Variants in ITGB2 observed in about 807,000 individuals in gnomAD.
ITGB2 encodes the protein integrin subunit beta 2.
Under a neutral mutation model 86.8 loss-of-function variants are expected in ITGB2, and 56 were observed. The ratio of observed to expected loss-of-function variants is 0.65; its 90% confidence interval spans 0.52 to 0.81. The LOEUF (loss-of-function observed/expected upper bound fraction) is 0.81, where lower values mean the gene tolerates loss of function less well. ITGB2 is among the 30% of genes least tolerant of loss of function. The pLI is 0.00. For missense variants in ITGB2, 948 were observed against 1,061.2 expected (o/e 0.89, Z 1.48); for synonymous variants, 457 against 450.4 (o/e 1.01, Z -0.19).
chr21:44,890,461 A>G (rs1231934351), intron 11 of ITGB2, among the ~76,000 whole-genome samples: 2 of 152,198 alleles, frequency 1.3e-5, no homozygotes, highest in African/African-American at 2.4e-5. Context: ...TGGCCTGCGC[A>G]TGCAGTGGCT....
intron 1 of ITGB2, among the ~76,000 whole-genome samples, chr21:44,918,729 C>T (rs1466234346): frequency 6.6e-6 from 1 of 152,218 alleles, no homozygotes; most frequent in East Asian, 1.9e-4. Flanking sequence ...GTGCACTAGG[C>T]AGGTCACGTC....
Position 44,890,138 on chromosome 21 carries a change from C to T in ITGB2, c.1497G>A (p.Lys499=), listed in dbSNP as rs61747615. Residue 499 remains lysine, a synonymous_variant, in exon 12 of 16, where the codon AAG becomes AAA. Coordinates refer to ENST00000652462, the MANE Select transcript of ITGB2 (RefSeq NM_000211.5). ...CTGAGCAGATGATGGAGTTGTTGTC[C>T]TTCCGGCAGCTTCCTTCCAGCTCCT... is the stretch of plus-strand genomic sequence containing the variant. ...SSQELEGSCR[K]DNNSIICSGL... is the part of the protein sequence containing the mutation. The T allele has an allele frequency of 3.3e-4, 527 of 1,613,466 alleles. No individual in the cohort carries two copies. In the African/African-American group the frequency reaches 6.3e-3, roughly 19 times the overall value.
At chr21:44,911,066 C>T in intron 1 of ITGB2, 1 of 544,114 alleles carries the variant, frequency 1.8e-6, no homozygotes, top group Non-Finnish European at 3.3e-6. Flanking sequence ...CAGGCACACA[C>T]ACACATGCAG....
intron 3 of ITGB2, chr21:44,907,921 C>T (rs2146540971): frequency 1.7e-6 from 1 of 594,076 alleles, no homozygotes; most frequent in Middle Eastern, 2.7e-4. Flanking sequence ...AATAAAAGTA[C>T]ATCAGCAAGT....
At chr21:44,887,178 C>G (rs184478797) in intron 14 of ITGB2, among the ~76,000 whole-genome samples, 48 of 152,290 alleles carry the variant, frequency 3.2e-4, no homozygotes, top group Non-Finnish European at 5.3e-4. Context: ...TACCGGGCAG[C>G]CAGGACAGAG....
intron 8 of ITGB2, among the ~76,000 whole-genome samples, chr21:44,895,634 A>C (rs1177362834): frequency 6.6e-6 from 1 of 152,270 alleles, no homozygotes; most frequent in East Asian, 1.9e-4. Flanking sequence ...TGAGGTCAGG[A>C]GTTTGAGACC....
At chr21:44,892,951 G>A (rs764054508) in intron 10 of ITGB2, 7 of 206,674 alleles carry the variant, frequency 3.4e-5, no homozygotes, top group Non-Finnish European at 6.0e-5. Flanking sequence ...CTGTGTGTCC[G>A]GCGTCTGCCC....
intron 1 of ITGB2, among the ~76,000 whole-genome samples, chr21:44,916,449 C>A (rs745681361): frequency 6.6e-6 from 1 of 152,138 alleles, no homozygotes; most frequent in East Asian, 1.9e-4. Context: ...GAGGCCGAGG[C>A]CCCGGACACT....
rs375768805 is a variant in ITGB2, at chr21:44,904,860, T to TCA, written c.329-1327_329-1326dup. On this transcript the variant is annotated intron_variant, in intron 4 of 15. Coordinates refer to ENST00000652462, the MANE Select transcript of ITGB2 (RefSeq NM_000211.5). ...ACACACACACCACACACACATGCGCTCACACACACACACACTCACCCACAT... is the reference window on the plus strand; with the variant it reads ...ACACACACACCACACACACATGCGCTCACACACACACACACACTCACCCACAT... Among the ~76,000 whole-genome samples, 90 of 150,506 alleles carry TCA rather than the reference T, an allele frequency of 6.0e-4. 1 individual carries two copies. The East Asian group carries it at 0.012, about 20-fold the overall frequency.
At position 44,889,073 on chromosome 21, in the gene ITGB2, C is replaced by T. The variant is rs548522952; in HGVS notation, c.1878-178G>A. On this transcript the variant is annotated intron_variant, in intron 13 of 15. Coordinates refer to ENST00000652462, the MANE Select transcript of ITGB2 (RefSeq NM_000211.5). ...CAGCGGGTGAACTGGAAGCCTGATC[C>T]CAGGGCCCGCGGCAGGTGCGCACAG... The T allele has an allele frequency of 6.7e-5, 47 of 702,654 alleles. No homozygotes were observed. The African/African-American group carries it at 7.2e-4, about 11-fold the overall frequency. The allele number at this position is 702,654 out of a possible 1,614,324, so 43.5% of individuals were successfully genotyped here.
rs372885279 is a variant in ITGB2, at chr21:44,893,386, C to A, written c.1224+18G>T. On this transcript the variant is annotated intron_variant, in intron 10 of 15. Coordinates refer to ENST00000652462, the MANE Select transcript of ITGB2 (RefSeq NM_000211.5). ...CCCCTCAGCAAGCTGGGATGGGGAC[C>A]CTTGTGGCCAGGCTCACCGGGACAT... The A allele has an allele frequency of 3.1e-4, 499 of 1,613,080 alleles. No individual in the cohort carries two copies. The highest frequency in any genetic ancestry group is 4.0e-4 in the Non-Finnish European group (470 of 1,179,540).
At chr21:44,912,673 C>A (rs577922009) in intron 1 of ITGB2, among the ~76,000 whole-genome samples, 1 of 152,226 alleles carries the variant, frequency 6.6e-6, no homozygotes, top group South Asian at 2.1e-4. Flanking sequence ...GAGGCCAGTT[C>A]CAGCTCTCCA....
intron 11 of ITGB2, 30 bp from the exon 12 acceptor site, chr21:44,890,252 C>G: frequency 3.7e-6 from 6 of 1,612,210 alleles, no homozygotes; most frequent in Non-Finnish European, 5.1e-6. Context: ...CAAGGTCAGG[C>G]TCCCCCCAGT....
rs1568882038 is a variant in ITGB2 at position 44,890,128 on chromosome 21, A to T, written c.1507T>A (p.Ser503Thr). The T allele has an allele frequency of 6.2e-7, 1 of 1,613,248 alleles. No individual in the cohort carries two copies. Among genetic ancestry groups the T allele is most frequent in the African/African-American group, 1.3e-5 (1 of 74,962 alleles). The change falls in exon 12 of 16, where the codon TCC becomes ACC. Residue 503 changes from serine to threonine, a missense_variant. By Grantham distance (58) the Ser-to-Thr change is moderately conservative. Transcript: ENST00000652462. ...LEGSCRKDNN[S>T]IICSGLGDCV... ...TCCCCCAGCCCTGAGCAGATGATGGAGTTGTTGTCCTTCCGGCAGCTTCCT... is the reference window on the plus strand; with the variant it reads ...TCCCCCAGCCCTGAGCAGATGATGGTGTTGTTGTCCTTCCGGCAGCTTCCT...
At chr21:44,903,798 G>A (rs964591785) in intron 4 of ITGB2, among the ~76,000 whole-genome samples, 11 of 152,138 alleles carry the variant, frequency 7.2e-5, no homozygotes, top group African/African-American at 1.2e-4. Context: ...GGGGTGCTTA[G>A]AGTTGACGCC....
intron 6 of ITGB2, among the ~76,000 whole-genome samples, chr21:44,900,994 T>C (rs2083948373): frequency 6.6e-6 from 1 of 151,832 alleles, no homozygotes; most frequent in South Asian, 2.1e-4. Flanking sequence ...AGAGCTAAGG[T>C]GGGTTGTGAG....
chr21:44,894,347 A>G (rs997569349), intron 9 of ITGB2: 4 of 166,344 alleles, frequency 2.4e-5, no homozygotes, highest in African/African-American at 7.2e-5. Context: ...CAGAATTCTG[A>G]GAACATCTCT....
chr21:44,926,042 T>C (rs2084368715), intron 1 of ITGB2, among the ~76,000 whole-genome samples: 1 of 152,132 alleles, frequency 6.6e-6, no homozygotes, highest in Admixed American at 6.5e-5. Context: ...GAGGCGGAGC[T>C]TGCAGTGAGC....
At position 44,890,144 on chromosome 21, in the gene ITGB2, G is replaced by A. The variant is rs774228764; in HGVS notation, c.1491C>T (p.Cys497=). 6.8e-6 allele frequency: 11 copies of A among 1,613,316 alleles called. No individual in the cohort carries two copies. The highest frequency in any genetic ancestry group is 1.7e-5 in the Admixed American group (1 of 60,002). ...AGATGATGGAGTTGTTGTCCTTCCG[G>A]CAGCTTCCTTCCAGCTCCTGGCTGC... is the stretch of plus-strand genomic sequence containing the variant. The part of the protein sequence containing the change: ...GRSSQELEGS[C]RKDNNSIICS... The change falls in exon 12 of 16, where the codon TGC becomes TGT. Residue 497 remains cysteine, a synonymous_variant. Transcript: ENST00000652462.
Sources: allele counts gnomAD v4.1 joint callset (sites outside exome capture counted in the v4.1 genomes callset), GRCh38; gene constraint gnomAD v4.1.1; transcripts MANE v1.5; gene names NCBI Gene and HGNC (gene_info 2026-07-23, HGNC 2026-07-21).